Variants in PIEZO1 observed in about 807,000 individuals in gnomAD.
The protein encoded by PIEZO1 is piezo type mechanosensitive ion channel component 1 (Er blood group).
PIEZO1 carries 296 observed loss-of-function variants against 297.2 expected under a neutral mutation model. The ratio of observed to expected loss-of-function variants is 1.00; its 90% confidence interval spans 0.91 to 1.10. The LOEUF (loss-of-function observed/expected upper bound fraction) is 1.10, where lower values mean the gene tolerates loss of function less well. Ranked by LOEUF, PIEZO1 falls within the 50% of genes least tolerant of loss-of-function variation. The pLI is 0.00. For synonymous variants in PIEZO1, 2,427 were observed against 1,507.5 expected (o/e 1.61, Z -14.13); for missense variants, 5,018 against 3,455.5 (o/e 1.45, Z -11.34).
At position 88,734,741 on chromosome 16, in the gene PIEZO1, A is replaced by C; in HGVS notation, c.1906T>G (p.Tyr636Asp). 1 of 1,550,278 alleles carries C rather than the reference A, an allele frequency of 6.5e-7. No individual in the cohort carries two copies. The highest frequency in any genetic ancestry group is 1.2e-5 in the South Asian group (1 of 84,064). Residue 636 changes from tyrosine to aspartate, a missense_variant, in exon 15 of 51, where the codon TAC (tyrosine) becomes GAC (aspartate). By Grantham distance (160) the Tyr-to-Asp change is radical. Coordinates refer to ENST00000301015, the MANE Select transcript of PIEZO1 (RefSeq NM_001142864.4). ...LKAFWWLVVAYTMLVLIAVYT... is the reference protein window; with the variant it reads ...LKAFWWLVVADTMLVLIAVYT... ...ACGGCGATGAGGACCAGCATGGTGT[A>C]GGCCACCACGAGCCACCAGAAGGCC...
In PIEZO1 at chr16:88,736,158, A is replaced by T; in HGVS notation, c.1547T>A (p.Leu516His). The T allele has an allele frequency of 6.5e-7, 1 of 1,545,350 alleles. No homozygotes were observed. The highest frequency in any genetic ancestry group is 8.7e-7 in the Non-Finnish European group (1 of 1,144,150). Residue 516 changes from leucine to histidine, a missense_variant, in exon 12 of 51, where the codon CTT (leucine) becomes CAT (histidine). Transcript: ENST00000301015. ...LEHTRYPCLD[L>H]GAMLLYTLTF... ...GTGGTGCACACTCACCATGGCACCA[A>T]GGTCCAGACAGGGGTAGCGGGTGTG... is the stretch of plus-strand genomic sequence containing the variant.
Position 88,722,246 on chromosome 16 carries a change from G to T in PIEZO1, c.4927C>A (p.Arg1643=). 1 of 1,547,714 alleles carries T rather than the reference G, an allele frequency of 6.5e-7. No homozygotes were observed. Among genetic ancestry groups the T allele is most frequent in the Non-Finnish European group, 8.7e-7 (1 of 1,146,794 alleles). The change falls in exon 36 of 51, where the codon CGG becomes AGG. Residue 1643 remains arginine, a synonymous_variant. Coordinates refer to ENST00000301015, the MANE Select transcript of PIEZO1 (RefSeq NM_001142864.4). ...TCCAGGAGCAGCTCGCTGGCCGTCCGCATCAGTCCCTGGTACAGAGAGGCA... is the reference window on the plus strand; with the variant it reads ...TCCAGGAGCAGCTCGCTGGCCGTCCTCATCAGTCCCTGGTACAGAGAGGCA... The part of the protein sequence containing the change: ...AGASLYQGLM[R]TASELLLDRR...
Position 88,720,277 on chromosome 16 carries a change from A to C in PIEZO1, c.5956T>G (p.Ser1986Ala). The change falls in exon 42 of 51, where the codon TCG (serine) becomes GCG (alanine). Residue 1986 changes from serine to alanine, a missense_variant. Transcript: ENST00000301015. ...GAGGACGTGATGTCTGTGGCCGCCGAGTGCTTCTGTGGCCAGGAGAGCACA... is the reference window on the plus strand; with the variant it reads ...GAGGACGTGATGTCTGTGGCCGCCGCGTGCTTCTGTGGCCAGGAGAGCACA... ...IFGFWAFGKHSAATDITSSLS... is the reference protein window; with the variant it reads ...IFGFWAFGKHAAATDITSSLS... The C allele has an allele frequency of 6.5e-7, 1 of 1,550,298 alleles. No individual in the cohort carries two copies. The highest frequency in any genetic ancestry group is 8.7e-7 in the Non-Finnish European group (1 of 1,146,944).
At chr16:88,721,072 G>A (rs1912401730) in intron 39 of PIEZO1, 94 bp downstream of exon 39, 8 of 1,280,946 alleles carry the variant, frequency 6.2e-6, no homozygotes, top group Non-Finnish European at 8.4e-6. Context: ...GCCTCGCACT[G>A]GGCTTGGCCG....
At chr16:88,746,562 G>A (rs573782303) in intron 2 of PIEZO1, among the ~76,000 whole-genome samples, 10 of 152,304 alleles carry the variant, frequency 6.6e-5, no homozygotes, top group East Asian at 1.9e-4. Flanking sequence ...CTCAGATGGC[G>A]TCAGAGCTTC....
At chr16:88,745,270 G>A (rs1329027858) in intron 2 of PIEZO1, 2 of 152,122 alleles carry the variant, frequency 1.3e-5, no homozygotes, top group African/African-American at 4.8e-5. Flanking sequence ...TCCTGGGAAA[G>A]GGAGTGAGAG....
intron 37 of PIEZO1, 27 bp downstream of exon 37, chr16:88,721,781 G>A (rs557457070): frequency 1.5e-5 from 23 of 1,537,006 alleles, no homozygotes; most frequent in Middle Eastern, 1.7e-4. Flanking sequence ...TGGGCCGGGC[G>A]CCCCCTCCCC....
rs3052234 is a variant in PIEZO1 at position 88,775,726 on chromosome 16, C to CAAAAAA, written c.64+9169_64+9174dup. On this transcript the variant is annotated intron_variant, in intron 1 of 50. Transcript: ENST00000301015. ...CCTGGGTGGCAGAATAAGACGCTGT[C>CAAAAAA]AAAAAAAAAAAAAAAAAAGAAAAGA... is the stretch of plus-strand genomic sequence containing the variant. Among the ~76,000 whole-genome samples, 7 of 98,604 alleles carry CAAAAAA rather than the reference C, an allele frequency of 7.1e-5. 2 individuals carry two copies. Among genetic ancestry groups the CAAAAAA allele is most frequent in the East Asian group, 5.7e-4 (2 of 3,536 alleles). The allele number at this position is 98,604 out of a possible 152,430, so 64.7% of individuals were successfully genotyped here.
chr16:88,732,744 C>A lies in PIEZO1; in HGVS notation c.2665-12G>T. 3 of 1,536,954 alleles carry A rather than the reference C, an allele frequency of 2.0e-6. No homozygotes were observed. Among genetic ancestry groups the A allele is most frequent in the Non-Finnish European group, 2.6e-6 (3 of 1,139,016 alleles). On this transcript the variant is annotated splice_polypyrimidine_tract_variant and intron_variant, in intron 19 of 50. Transcript: ENST00000301015. The stretch of plus-strand genomic sequence containing the variant: ...CTGTTGGGGAAGGGCTGGCAAGAGG[C>A]CAGGCATCAGTGCCCCCTCCCAGGC...
chr16:88,751,522 C>T (rs922785413), intron 1 of PIEZO1, among the ~76,000 whole-genome samples: 2 of 152,218 alleles, frequency 1.3e-5, no homozygotes, highest in African/African-American at 2.4e-5. Flanking sequence ...CGGGGGGCAC[C>T]GCCCGCCCTG....
chr16:88,759,297 T>C (rs189122880), intron 1 of PIEZO1, among the ~76,000 whole-genome samples: 3 of 152,296 alleles, frequency 2.0e-5, no homozygotes, highest in East Asian at 3.9e-4. Context: ...TTGACTTCTT[T>C]TGCTACCAGC....
At chr16:88,741,968 CTGTCCCTCCTG>C in intron 4 of PIEZO1, 74 bp downstream of exon 4, 1 of 1,428,414 alleles carries the variant, frequency 7.0e-7, no homozygotes, top group Non-Finnish European at 9.5e-7. Context: ...AGGTCCCCCT[CTGTCCCTCCTG>C]GGTCCCCCCA....
intron 22 of PIEZO1, chr16:88,731,396 C>T (rs562566981): frequency 3.7e-5 from 13 of 353,456 alleles, no homozygotes; most frequent in African/African-American, 8.3e-5. Flanking sequence ...CCGACCCGCA[C>T]GGGGCCCGGA....
chr16:88,719,303 C>T (rs576104995), intron 44 of PIEZO1: 339 of 451,944 alleles, frequency 7.5e-4, no homozygotes, highest in Non-Finnish European at 1.0e-3. Context: ...AGTGGCTGTC[C>T]GGTCCTCCCT....
At position 88,737,768 on chromosome 16, in the gene PIEZO1, G is replaced by A. The variant is rs917845057; in HGVS notation, c.1067C>T (p.Ala356Val). 1.2e-5 allele frequency: 19 copies of A among 1,535,630 alleles called. No individual in the cohort carries two copies. Among genetic ancestry groups the A allele is most frequent in the Non-Finnish European group, 1.6e-5 (18 of 1,146,724 alleles). Residue 356 changes from alanine (A) to valine (V), a missense_variant, in exon 9 of 51, where the codon GCA becomes GTA. Physicochemically the swap from Ala to Val is moderately conservative, Grantham distance 64. Coordinates refer to ENST00000301015, the MANE Select transcript of PIEZO1 (RefSeq NM_001142864.4). ...TTCCTGGGGCCACTGGTCCAGCTCTGCTAGCTCCAGCTCCCGAGCCTCATA... is the reference window on the plus strand; with the variant it reads ...TTCCTGGGGCCACTGGTCCAGCTCTACTAGCTCCAGCTCCCGAGCCTCATA... ...KGYEARELELAELDQWPQERE... is the reference protein window; with the variant it reads ...KGYEARELELVELDQWPQERE...
chr16:88,771,105 C>G (rs966594541), intron 1 of PIEZO1, among the ~76,000 whole-genome samples: 1 of 152,190 alleles, frequency 6.6e-6, no homozygotes, highest in Non-Finnish European at 1.5e-5. Context: ...GAGCCAGAGC[C>G]GTGAGGCAGA....
rs1904834071 is a variant in PIEZO1 at position 88,731,824 on chromosome 16, G to A, written c.3078C>T (p.Leu1026=). 2 of 1,519,202 alleles carry A rather than the reference G, an allele frequency of 1.3e-6. No individual in the cohort carries two copies. Among genetic ancestry groups the A allele is most frequent in the African/African-American group, 1.5e-5 (1 of 66,468 alleles). 94.1% of individuals were successfully genotyped at this position (1,519,202 alleles called of 1,614,324 possible). The part of the protein sequence containing the change: ...TLHGCWLVAI[L]TRRHRQAIAR... Reference sequence around the variant, plus strand: ...CAATGGCCTGGCGGTGCCTGCGGGTGAGGATGGCCACCAGCCAGCAACCGT... The same window carrying A: ...CAATGGCCTGGCGGTGCCTGCGGGTAAGGATGGCCACCAGCCAGCAACCGT... The change falls in exon 22 of 51, where the codon CTC becomes CTT. Residue 1026 remains leucine (L), a synonymous_variant. Transcript: ENST00000301015.
chr16:88,752,365 C>A (rs533088805), intron 1 of PIEZO1, among the ~76,000 whole-genome samples: 1 of 152,238 alleles, frequency 6.6e-6, no homozygotes, highest in East Asian at 1.9e-4. Flanking sequence ...GCCTGTGGTC[C>A]CAGCTACTCA....
Position 88,723,000 on chromosome 16 carries a change from T to C in PIEZO1, c.4505A>G (p.His1502Arg). ...GPEEAAAGRS[H>R]VVQRVLSTAQ... is the part of the protein sequence containing the mutation. ...CGTGCTCAGCACCCTCTGCACCACA[T>C]GGCTCCGGCCTGCGGGAGGGCGGGA... The change falls in exon 34 of 51, where the codon CAT (histidine) becomes CGT (arginine). Residue 1502 changes from histidine (H) to arginine (R), a missense_variant. Transcript: ENST00000301015. The C allele has an allele frequency of 1.1e-5, 14 of 1,265,290 alleles. No individual in the cohort carries two copies. Among genetic ancestry groups the C allele is most frequent in the Non-Finnish European group, 1.5e-5 (14 of 940,190 alleles). The allele number at this position is 1,265,290 out of a possible 1,614,324, so 78.4% of individuals were successfully genotyped here.
Sources: gnomAD v4.1 joint callset for allele counts (sites outside exome capture counted in the v4.1 genomes callset) on GRCh38, gnomAD v4.1.1 for gene constraint, MANE v1.5 for transcripts, NCBI Gene and HGNC (gene_info 2026-07-23, HGNC 2026-07-21) for gene names.